The following PDZRN3 variants were observed in gnomAD, a reference collection of about 807,000 sequenced individuals.
The protein encoded by PDZRN3 is PDZ domain containing ring finger 3.
Under a neutral mutation model 85.7 loss-of-function variants are expected in PDZRN3, and 38 were observed. The observed-to-expected ratio is 0.44, with a 90% confidence interval of 0.34 to 0.58. The LOEUF is 0.58. PDZRN3 is among the 20% of genes least tolerant of loss of function. The pLI is 0.01. For synonymous variants in PDZRN3, 759 were observed against 638.0 expected, an observed-to-expected ratio of 1.19 and a Z score of -2.86; for missense variants, 1,629 against 1,506.4, an observed-to-expected ratio of 1.08 and a Z score of -1.35.
intron 3 of PDZRN3, among the ~76,000 whole-genome samples, chr3:73,511,314 C>T (rs4677296): frequency 0.95 from 144,704 of 152,230 alleles, 69,190 homozygotes; most frequent in East Asian, 1. Context: ...AAGCAGGAAG[C>T]GGGACGACTC....
chr3:73,616,690 A>C (rs1702767783), intron 1 of PDZRN3, among the ~76,000 whole-genome samples: 1 of 152,206 alleles, frequency 6.6e-6, no homozygotes, highest in South Asian at 2.1e-4. Context: ...ATTTATTTGA[A>C]AAAATGTTAA....
chr3:73,562,471 A>T (rs909852040), intron 3 of PDZRN3, among the ~76,000 whole-genome samples: 2 of 152,196 alleles, frequency 1.3e-5, no homozygotes, highest in Non-Finnish European at 1.5e-5. Flanking sequence ...AAAACAAAAA[A>T]GTCTCCATTC....
chr3:73,615,787 C>G (rs1702753296), intron 1 of PDZRN3, among the ~76,000 whole-genome samples: 1 of 152,118 alleles, frequency 6.6e-6, no homozygotes, highest in Non-Finnish European at 1.5e-5. Context: ...TCTGGTATTT[C>G]TGTTACAGCA....
At chr3:73,409,782 C>G (rs1701929155) in intron 3 of PDZRN3, among the ~76,000 whole-genome samples, 1 of 152,158 alleles carries the variant, frequency 6.6e-6, no homozygotes, top group African/African-American at 2.4e-5. Context: ...TCAAAGTTTT[C>G]TACAACTTAA....
chr3:73,622,076 G>A (rs1702873181), intron 1 of PDZRN3, among the ~76,000 whole-genome samples: 1 of 152,190 alleles, frequency 6.6e-6, no homozygotes, highest in African/African-American at 2.4e-5. Context: ...AGCATAAACA[G>A]CAGAAACTCG....
At chr3:73,503,370 A>C (rs1434867543) in intron 3 of PDZRN3, among the ~76,000 whole-genome samples, 5 of 152,208 alleles carry the variant, frequency 3.3e-5, no homozygotes, top group Non-Finnish European at 7.3e-5. Context: ...TGCGTTAAAC[A>C]TCTGGGAATG....
At chr3:73,460,901 C>T (rs1703090923) in intron 3 of PDZRN3, among the ~76,000 whole-genome samples, 1 of 152,072 alleles carries the variant, frequency 6.6e-6, no homozygotes, top group South Asian at 2.1e-4. Context: ...TCAAGCAATT[C>T]TCCTGCCTCA....
At chr3:73,529,580 T>C (rs1704606037) in intron 3 of PDZRN3, among the ~76,000 whole-genome samples, 1 of 152,204 alleles carries the variant, frequency 6.6e-6, no homozygotes, top group Non-Finnish European at 1.5e-5. Context: ...TGGCTTTCTA[T>C]TATCCGCAAA....
chr3:73,442,493 A>G (rs1490751329), intron 3 of PDZRN3, among the ~76,000 whole-genome samples: 1 of 152,202 alleles, frequency 6.6e-6, no homozygotes, highest in Non-Finnish European at 1.5e-5. Context: ...TTGTGGATTC[A>G]GAAAAATGAC....
chr3:73,549,004 T>A (rs1194180684), intron 3 of PDZRN3, among the ~76,000 whole-genome samples: 1 of 152,194 alleles, frequency 6.6e-6, no homozygotes, highest in East Asian at 1.9e-4. Flanking sequence ...AGGAAGAACA[T>A]CAAACATCAC....
At chr3:73,459,455 TA>T (rs1703057375) in intron 3 of PDZRN3, among the ~76,000 whole-genome samples, 1 of 152,246 alleles carries the variant, frequency 6.6e-6, no homozygotes, top group African/African-American at 2.4e-5. Flanking sequence ...ACTCAGGTAC[TA>T]AGCCCAGTAC....
intron 3 of PDZRN3, among the ~76,000 whole-genome samples, chr3:73,472,923 A>T (rs1421198730): frequency 6.6e-6 from 1 of 152,220 alleles, no homozygotes; most frequent in Non-Finnish European, 1.5e-5. Flanking sequence ...ATATGCATTC[A>T]AGATATACCA....
At chr3:73,485,824 T>C (rs1703651252) in intron 3 of PDZRN3, among the ~76,000 whole-genome samples, 1 of 152,186 alleles carries the variant, frequency 6.6e-6, no homozygotes, top group South Asian at 2.1e-4. Flanking sequence ...CCACTTGTAA[T>C]GTTCATAAAG....
intron 3 of PDZRN3, among the ~76,000 whole-genome samples, chr3:73,539,872 T>G (rs1704873986): frequency 6.6e-6 from 1 of 151,996 alleles, no homozygotes; most frequent in South Asian, 2.1e-4. Context: ...GAAAACAACT[T>G]TTAAGATTAA....
intron 3 of PDZRN3, among the ~76,000 whole-genome samples, chr3:73,491,735 A>G (rs1703775069): frequency 6.6e-6 from 1 of 151,972 alleles, no homozygotes; most frequent in South Asian, 2.1e-4. Flanking sequence ...AGCTGAGACT[A>G]CAGGTGCATA....
At chr3:73,524,561 C>G (rs146299307) in intron 3 of PDZRN3, among the ~76,000 whole-genome samples, 4 of 152,138 alleles carry the variant, frequency 2.6e-5, no homozygotes, top group African/African-American at 4.8e-5. Context: ...GATCAGAAAG[C>G]CTTTTTATTA....
intron 3 of PDZRN3, among the ~76,000 whole-genome samples, chr3:73,474,891 G>A (rs1465297156): frequency 6.6e-6 from 1 of 152,152 alleles, no homozygotes; most frequent in Non-Finnish European, 1.5e-5. Context: ...GGTGATGCCT[G>A]GAAATTAATG....
chr3:73,404,071 T>C, intron 4 of PDZRN3, 77 bp downstream of exon 4: 1 of 1,424,462 alleles, frequency 7.0e-7, no homozygotes. Context: ...ATTAATTTTT[T>C]TCACCACATA....
intron 6 of PDZRN3, among the ~76,000 whole-genome samples, chr3:73,390,129 T>A (rs1204049818): frequency 6.6e-6 from 1 of 152,214 alleles, no homozygotes; most frequent in Non-Finnish European, 1.5e-5. Context: ...CAGGCTCTGC[T>A]GATCTGAGGA....
Sources: allele counts gnomAD v4.1 joint callset (sites outside exome capture counted in the v4.1 genomes callset), GRCh38; gene constraint gnomAD v4.1.1; transcripts MANE v1.5; gene names NCBI Gene and HGNC (gene_info 2026-07-23, HGNC 2026-07-21).